Variants in ENOX1 observed in about 807,000 individuals in gnomAD.
ENOX1 encodes candidate growth-related and time keeping constitutive hydroquinone (NADH) oxidase.
In ENOX1, 42 loss-of-function variants were observed where a neutral mutation model predicts 82.5. The ratio of observed to expected loss-of-function variants is 0.51; its 90% CI spans 0.40 to 0.66. The LOEUF is 0.66. Ranked by LOEUF, ENOX1 falls within the 30% of genes least tolerant of loss-of-function variation. ENOX1 has a pLI of 0.00. For missense variants in ENOX1, 608 were observed against 811.6 expected (o/e 0.75, Z 3.05); for synonymous variants, 271 against 282.2 (o/e 0.96, Z 0.40).
At chr13:43,260,349 C>A (rs1022276560) in intron 14 of ENOX1, among the ~76,000 whole-genome samples, 12 of 152,264 alleles carry the variant, frequency 7.9e-5, no homozygotes, top group Admixed American at 7.8e-4. Flanking sequence ...TCAGCATCAC[C>A]AATTAAACCT....
intron 14 of ENOX1, among the ~76,000 whole-genome samples, chr13:43,262,008 T>C (rs2044098302): frequency 6.6e-6 from 1 of 152,088 alleles, no homozygotes; most frequent in Non-Finnish European, 1.5e-5. Context: ...AATCATGTCT[T>C]TGAGGAACAT....
rs573408860 is a variant in ENOX1 at position 43,716,372 on chromosome 13, C to T, written c.-284-48828G>A. ...ATCAGCAGCGGTGGCTGCAGAACAG[C>T]GGTGGCTCAGATGGAAATGCAGAAA... On this transcript the variant is annotated intron_variant, in intron 1 of 16. Transcript: ENST00000690772. 2.3e-4 allele frequency among the ~76,000 whole-genome samples: 35 copies of T among 152,236 alleles called. 1 individual carries two copies. In the South Asian group the frequency reaches 3.3e-3, roughly 14 times the overall value.
chr13:43,328,912 T>C (rs2048269438), intron 9 of ENOX1, among the ~76,000 whole-genome samples: 1 of 152,248 alleles, frequency 6.6e-6, no homozygotes, highest in Non-Finnish European at 1.5e-5. Flanking sequence ...GGCCCAGTCT[T>C]GTCTTTGATG....
intron 15 of ENOX1, among the ~76,000 whole-genome samples, chr13:43,235,125 A>G (rs143486586): frequency 0.01 from 1,540 of 152,360 alleles, 14 homozygotes; most frequent in Non-Finnish European, 0.015. Context: ...ATGTTTTCCA[A>G]TAGAAGAAAA....
chr13:43,618,315 G>C (rs2082571622), intron 2 of ENOX1, among the ~76,000 whole-genome samples: 1 of 152,086 alleles, frequency 6.6e-6, no homozygotes, highest in East Asian at 1.9e-4. Context: ...TGAAATCCTT[G>C]CCTAAACCAA....
chr13:43,337,373 C>A (rs1293997866), intron 9 of ENOX1, among the ~76,000 whole-genome samples: 2 of 152,102 alleles, frequency 1.3e-5, no homozygotes, highest in African/African-American at 4.8e-5. Context: ...GCAAACAAAC[C>A]AATAAACTTG....
At chr13:43,705,735 C>T (rs1432237049) in intron 1 of ENOX1, among the ~76,000 whole-genome samples, 1 of 151,980 alleles carries the variant, frequency 6.6e-6, no homozygotes, top group East Asian at 1.9e-4. Context: ...TTTAACACCC[C>T]TCTCTTAGGA....
At chr13:43,422,541 A>G (rs1466792551) in intron 3 of ENOX1, among the ~76,000 whole-genome samples, 3 of 152,178 alleles carry the variant, frequency 2.0e-5, no homozygotes, top group Admixed American at 1.3e-4. Flanking sequence ...ACAAATCATC[A>G]TCTTTCCATC....
rs149652368 is a variant in ENOX1, at chr13:43,716,076, G to A, written c.-284-48532C>T. Among the ~76,000 whole-genome samples, 264 of 152,288 alleles carry A rather than the reference G, an allele frequency of 1.7e-3. 1 individual carries two copies. The highest frequency in any genetic ancestry group is 2.9e-3 in the Non-Finnish European group (195 of 68,020). On this transcript the variant is annotated intron_variant, in intron 1 of 16. Transcript: ENST00000690772. ...TCTCAACTCATCAAAGTCATTCTCC[G>A]TCCAGCTTTGTTCCGTTGCTGGTGA...
intron 6 of ENOX1, 91 bp downstream of exon 6, chr13:43,361,184 TGTGA>T (rs1329977796): frequency 6.2e-6 from 8 of 1,291,774 alleles, no homozygotes; most frequent in Non-Finnish European, 8.7e-6. Flanking sequence ...TGCATTTACG[TGTGA>T]GTCACATCTG....
intron 14 of ENOX1, 63 bp from the exon 15 acceptor site, chr13:43,236,801 A>G (rs2042574441): frequency 1.2e-6 from 1 of 853,680 alleles, no homozygotes; most frequent in Non-Finnish European, 1.8e-6. Flanking sequence ...TGTCAATAAA[A>G]AACACCAGAT....
At chr13:43,586,498 G>A (rs536305852) in intron 2 of ENOX1, among the ~76,000 whole-genome samples, 26 of 152,152 alleles carry the variant, frequency 1.7e-4, no homozygotes, top group South Asian at 8.3e-4. Flanking sequence ...CAACTGTGTT[G>A]GCGGGCTCTT....
intron 5 of ENOX1, among the ~76,000 whole-genome samples, chr13:43,375,653 A>G (rs1202107556): frequency 6.6e-6 from 1 of 152,224 alleles, no homozygotes; most frequent in Non-Finnish European, 1.5e-5. Flanking sequence ...TCTGAATAGT[A>G]TGTGGACTTC....
At chr13:43,316,120 C>G (rs1024239693) in intron 11 of ENOX1, among the ~76,000 whole-genome samples, 1 of 152,200 alleles carries the variant, frequency 6.6e-6, no homozygotes, top group Non-Finnish European at 1.5e-5. Context: ...CTCCACCAGG[C>G]TCAAGGGACT....
intron 1 of ENOX1, among the ~76,000 whole-genome samples, chr13:43,680,496 G>C (rs2153797215): frequency 6.6e-6 from 1 of 152,246 alleles, no homozygotes; most frequent in South Asian, 2.1e-4. Flanking sequence ...TCTCTGCCTT[G>C]GAGAAGATGC....
intron 10 of ENOX1, among the ~76,000 whole-genome samples, chr13:43,324,290 C>T (rs9590755): frequency 0.23 from 35,251 of 151,728 alleles, 4,592 homozygotes; most frequent in South Asian, 0.34. Context: ...TTAGTCCCTG[C>T]GATTAATGAC....
chr13:43,781,786 C>G (rs1431962505), intron 1 of ENOX1, among the ~76,000 whole-genome samples: 1 of 152,200 alleles, frequency 6.6e-6, no homozygotes, highest in Admixed American at 6.5e-5. Flanking sequence ...GCTGGGATTA[C>G]AGGCGTGAGC....
intron 1 of ENOX1, among the ~76,000 whole-genome samples, chr13:43,774,642 G>A (rs957350348): frequency 3.9e-5 from 6 of 151,914 alleles, no homozygotes; most frequent in Admixed American, 1.3e-4. Context: ...CAATCCTCCC[G>A]CCCAGCACTC....
At chr13:43,725,640 GC>G (rs1174644550) in intron 1 of ENOX1, among the ~76,000 whole-genome samples, 1 of 152,070 alleles carries the variant, frequency 6.6e-6, no homozygotes, top group African/African-American at 2.4e-5. Flanking sequence ...CATTTCTAAA[GC>G]CACTTTCTTC....
Sources: allele counts gnomAD v4.1 joint callset (sites outside exome capture counted in the v4.1 genomes callset), GRCh38; gene constraint gnomAD v4.1.1; transcripts MANE v1.5; gene names NCBI Gene and HGNC (gene_info 2026-07-23, HGNC 2026-07-21).